The following FAM135A variants were observed in gnomAD, a reference collection of about 807,000 sequenced individuals.
The protein encoded by FAM135A is protein FAM135A.
Under a neutral mutation model 146.8 loss-of-function variants are expected in FAM135A, and 79 were observed. The observed-to-expected ratio is 0.54, with a 90% CI of 0.45 to 0.65. The LOEUF is 0.65. FAM135A is among the 30% of genes least tolerant of loss of function. FAM135A has a pLI of 0.00. For missense variants in FAM135A, 1,623 were observed against 1,758.2 expected (o/e 0.92, Z 1.38); for synonymous variants, 562 against 603.6 (o/e 0.93, Z 1.01).
chr6:70,416,713 G>A (rs1767650457), intron 2 of FAM135A, among the ~76,000 whole-genome samples: 1 of 152,028 alleles, frequency 6.6e-6, no homozygotes, highest in Admixed American at 6.6e-5. Context: ...ATCTCTTGAG[G>A]CCAGGAGTTC....
At chr6:70,426,934 T>C (rs1363212713) in intron 3 of FAM135A, among the ~76,000 whole-genome samples, 1 of 152,150 alleles carries the variant, frequency 6.6e-6, no homozygotes, top group Non-Finnish European at 1.5e-5. Context: ...ATCTCTGACT[T>C]CTAAGATTGT....
chr6:70,441,403 A>C (rs1774442730), intron 4 of FAM135A, among the ~76,000 whole-genome samples: 1 of 152,074 alleles, frequency 6.6e-6, no homozygotes, highest in Admixed American at 6.6e-5. Context: ...AGAAAAAAAA[A>C]CATTGTGTCA....
intron 12 of FAM135A, among the ~76,000 whole-genome samples, chr6:70,511,977 A>G (rs992031318): frequency 4.6e-5 from 7 of 151,958 alleles, no homozygotes; most frequent in South Asian, 2.1e-4. Flanking sequence ...TACGCGATCC[A>G]TCATTGTCTT....
At chr6:70,479,237 A>G (rs1308380278) in intron 8 of FAM135A, among the ~76,000 whole-genome samples, 1 of 152,204 alleles carries the variant, frequency 6.6e-6, no homozygotes, top group Non-Finnish European at 1.5e-5. Flanking sequence ...AGATATTCAC[A>G]TCACCATCGT....
chr6:70,518,340 G>T (rs549526835), intron 12 of FAM135A, among the ~76,000 whole-genome samples: 2 of 152,298 alleles, frequency 1.3e-5, no homozygotes, highest in African/African-American at 4.8e-5. Context: ...TTTGAAACTA[G>T]CAGAGATTGG....
At chr6:70,464,661 T>TTTC (rs1780053873) in intron 5 of FAM135A, among the ~76,000 whole-genome samples, 2 of 107,676 alleles carry the variant, frequency 1.9e-5, no homozygotes, top group African/African-American at 6.8e-5. Flanking sequence ...TTTCTTTCTT[T>TTTC]TTTTTCTTTT....
chr6:70,487,865 G>A (rs1365391012), intron 10 of FAM135A, among the ~76,000 whole-genome samples: 1 of 151,842 alleles, frequency 6.6e-6, no homozygotes, highest in Non-Finnish European at 1.5e-5. Flanking sequence ...TTTAAAAATG[G>A]GCCAGATCTT....
At chr6:70,451,764 T>C (rs570146685) in intron 4 of FAM135A, among the ~76,000 whole-genome samples, 1 of 152,156 alleles carries the variant, frequency 6.6e-6, no homozygotes, top group Admixed American at 6.6e-5. Flanking sequence ...ACCTCCTCAG[T>C]ATATATCTAA....
At chr6:70,449,353 T>C (rs1212063426) in intron 4 of FAM135A, among the ~76,000 whole-genome samples, 2 of 152,178 alleles carry the variant, frequency 1.3e-5, no homozygotes, top group East Asian at 3.8e-4. Flanking sequence ...TAAAACTTAC[T>C]ACTCCTGTCC....
chr6:70,536,410 A>G lies in FAM135A; in HGVS notation c.4116A>G (p.Thr1372=), dbSNP rs139531208. ...TLYNSSALVN[T]GLWFMQKWKK... ...ACAACAGCAGTGCTCTTGTTAATAC[A>G]GGTAAAAAGTTTTATTGTTCTGTAT... is the stretch of plus-strand genomic sequence containing the variant. The change falls in exon 19 of 22, where the codon ACA becomes ACG. Residue 1372 remains threonine, a splice_region_variant and synonymous_variant. Transcript: ENST00000418814. The G allele has an allele frequency of 4.4e-6, 7 of 1,578,390 alleles. No individual in the cohort carries two copies. The South Asian group carries it at 4.8e-5, about 11-fold the overall frequency.
At chr6:70,426,223 A>G (rs947162899) in intron 2 of FAM135A, among the ~76,000 whole-genome samples, 1 of 152,178 alleles carries the variant, frequency 6.6e-6, no homozygotes, top group African/African-American at 2.4e-5. Flanking sequence ...ACTTTGAATT[A>G]TATGTAAGTG....
At chr6:70,465,247 A>G (rs867183575) in intron 5 of FAM135A, among the ~76,000 whole-genome samples, 1 of 152,106 alleles carries the variant, frequency 6.6e-6, no homozygotes, top group Non-Finnish European at 1.5e-5. Context: ...TAATATGTAC[A>G]TACCACACTA....
chr6:70,512,222 T>G (rs942559566), intron 12 of FAM135A, among the ~76,000 whole-genome samples: 1 of 151,918 alleles, frequency 6.6e-6, no homozygotes, highest in African/African-American at 2.4e-5. Flanking sequence ...TGTATATATT[T>G]GTAGTTCATT....
intron 5 of FAM135A, among the ~76,000 whole-genome samples, chr6:70,456,670 CTA>C (rs1398721191): frequency 6.6e-6 from 1 of 152,186 alleles, no homozygotes; most frequent in African/African-American, 2.4e-5. Flanking sequence ...TCATTAAAGA[CTA>C]TTTTCTTCAT....
chr6:70,531,329 G>C (rs191446456), intron 16 of FAM135A, among the ~76,000 whole-genome samples: 8 of 152,252 alleles, frequency 5.3e-5, no homozygotes, highest in African/African-American at 1.9e-4. Flanking sequence ...GGTAGCTATT[G>C]GTTTGATTGT....
At chr6:70,510,303 A>G (rs981990894) in intron 12 of FAM135A, among the ~76,000 whole-genome samples, 11 of 152,080 alleles carry the variant, frequency 7.2e-5, no homozygotes, top group Non-Finnish European at 1.2e-4. Flanking sequence ...ATTTTATGTA[A>G]TGCAAATTAA....
chr6:70,417,259 CTTTT>C (rs746838449), intron 2 of FAM135A, among the ~76,000 whole-genome samples: 1 of 141,228 alleles, frequency 7.1e-6, no homozygotes, highest in Non-Finnish European at 1.6e-5. Context: ...TAGACTGGGA[CTTTT>C]TTTTTTTTTT....
At chr6:70,459,679 C>G (rs1048618698) in intron 5 of FAM135A, among the ~76,000 whole-genome samples, 2 of 152,054 alleles carry the variant, frequency 1.3e-5, no homozygotes, top group African/African-American at 4.8e-5. Context: ...AATATTCATC[C>G]ATCTTTTTTT....
At chr6:70,482,520 C>G (rs910154394) in intron 10 of FAM135A, among the ~76,000 whole-genome samples, 6 of 152,020 alleles carry the variant, frequency 3.9e-5, no homozygotes, top group Non-Finnish European at 7.4e-5. Flanking sequence ...ACAGTCTAAT[C>G]AGATTGTAGG....
Sources: allele counts gnomAD v4.1 joint callset (sites outside exome capture counted in the v4.1 genomes callset), GRCh38; gene constraint gnomAD v4.1.1; transcripts MANE v1.5; gene names NCBI Gene and HGNC (gene_info 2026-07-23, HGNC 2026-07-21).